Variants in LHFPL2 observed in about 807,000 individuals in gnomAD.
LHFPL2 encodes the protein LHFPL tetraspan subfamily member 2, also known as LHFPL tetraspan subfamily member 2 protein.
In LHFPL2, 7 loss-of-function variants were observed where a neutral mutation model predicts 17.5. The ratio of observed to expected loss-of-function variants is 0.40; its 90% confidence interval spans 0.23 to 0.75. LHFPL2 has a LOEUF of 0.75. LHFPL2 is among the 30% of genes least tolerant of loss of function. The probability of loss-of-function intolerance (pLI) is 0.37; values close to 1 mark genes in which losing one functional copy is unlikely to be tolerated. For synonymous variants in LHFPL2, 134 were observed against 116.2 expected (o/e 1.15, Z -0.99); for missense variants, 241 against 294.8 (o/e 0.82, Z 1.34).
At chr5:78,572,465 T>C (rs1757023119) in intron 2 of LHFPL2, among the ~76,000 whole-genome samples, 1 of 141,430 alleles carries the variant, frequency 7.1e-6, no homozygotes, top group East Asian at 1.9e-4. Flanking sequence ...TATGTGTATA[T>C]ACATGTGTAT....
At chr5:78,530,963 T>C (rs1315111357) in intron 3 of LHFPL2, among the ~76,000 whole-genome samples, 1 of 152,200 alleles carries the variant, frequency 6.6e-6, no homozygotes, top group Non-Finnish European at 1.5e-5. Context: ...GCTAGGTTCC[T>C]ACCCAATACC....
chr5:78,535,283 C>T (rs1755914033), intron 3 of LHFPL2, among the ~76,000 whole-genome samples: 1 of 152,160 alleles, frequency 6.6e-6, no homozygotes, highest in African/African-American at 2.4e-5. Context: ...GGCCTTCCAC[C>T]CACCTCCTCC....
intron 2 of LHFPL2, among the ~76,000 whole-genome samples, chr5:78,576,323 CA>C (rs113516737): frequency 6.6e-6 from 1 of 151,692 alleles, no homozygotes; most frequent in African/African-American, 2.4e-5. Context: ...AATTTTTACT[CA>C]AAAAAGAATG....
At chr5:78,614,301 C>T (rs1281753458) in intron 2 of LHFPL2, among the ~76,000 whole-genome samples, 1 of 152,256 alleles carries the variant, frequency 6.6e-6, no homozygotes, top group African/African-American at 2.4e-5. Flanking sequence ...GCTACTAGAA[C>T]AACTCTATCC....
intron 3 of LHFPL2, among the ~76,000 whole-genome samples, chr5:78,519,673 A>G (rs575797827): frequency 1.8e-4 from 27 of 152,306 alleles, no homozygotes; most frequent in Middle Eastern, 3.4e-3. Flanking sequence ...AATTAAGTTA[A>G]AGTAAGTATC....
chr5:78,510,012 T>G lies in LHFPL2; in HGVS notation c.202A>C (p.Ile68Leu). The G allele has an allele frequency of 1.2e-6, 2 of 1,612,892 alleles. No individual in the cohort carries two copies. Among genetic ancestry groups the G allele is most frequent in the Non-Finnish European group, 1.7e-6 (2 of 1,179,594 alleles). The change falls in exon 4 of 5, where the codon ATC becomes CTC. Residue 68 changes from isoleucine to leucine, a missense_variant. Ile to Leu is a conservative substitution (Grantham distance 5). Transcript: ENST00000380345. Reference protein sequence around the residue: ...HPTLGIYARCIRNPGVQHFQR... With the variant: ...HPTLGIYARCLRNPGVQHFQR... The stretch of plus-strand genomic sequence containing the variant: ...AAGTGCTGCACCCCTGGGTTCCGGA[T>G]GCAGCGGGCGTAGATGCCCAGGGTG...
intron 2 of LHFPL2, among the ~76,000 whole-genome samples, chr5:78,602,503 C>T (rs933273343): frequency 5.3e-5 from 8 of 152,224 alleles, no homozygotes; most frequent in Admixed American, 2.0e-4. Context: ...ACCACATAGA[C>T]ATGATTGATT....
chr5:78,608,353 T>G (rs1471549586), intron 2 of LHFPL2, among the ~76,000 whole-genome samples: 1 of 152,184 alleles, frequency 6.6e-6, no homozygotes, highest in African/African-American at 2.4e-5. Flanking sequence ...AGGAGCAATA[T>G]GAAAATATGG....
chr5:78,564,061 G>A (rs750837617), intron 3 of LHFPL2, among the ~76,000 whole-genome samples: 5 of 152,160 alleles, frequency 3.3e-5, no homozygotes, highest in African/African-American at 4.8e-5. Context: ...AGACCCTCCT[G>A]GAAAGGGTGT....
chr5:78,627,297 A>T (rs1866952), intron 2 of LHFPL2, among the ~76,000 whole-genome samples: 63,437 of 151,732 alleles, frequency 0.42, 15,072 homozygotes, highest in African/African-American at 0.66. Context: ...TTAACCAGCA[A>T]CTGCCTAGGG....
At chr5:78,557,583 C>A (rs1756612293) in intron 3 of LHFPL2, among the ~76,000 whole-genome samples, 1 of 152,188 alleles carries the variant, frequency 6.6e-6, no homozygotes, top group African/African-American at 2.4e-5. Context: ...CCTAACATGA[C>A]CCTGAGTCAA....
chr5:78,508,782 T>C (rs1373071213), intron 4 of LHFPL2, among the ~76,000 whole-genome samples: 1 of 152,208 alleles, frequency 6.6e-6, no homozygotes, highest in Non-Finnish European at 1.5e-5. Context: ...TTTAGTGTTG[T>C]AGGTGGGTAA....
intron 2 of LHFPL2, among the ~76,000 whole-genome samples, chr5:78,629,508 A>C (rs1314885981): frequency 2.6e-5 from 4 of 152,246 alleles, no homozygotes; most frequent in Non-Finnish European, 4.4e-5. Flanking sequence ...GCAGCTTTGC[A>C]ATGAAACTTG....
chr5:78,556,103 G>A (rs907019752), intron 3 of LHFPL2, among the ~76,000 whole-genome samples: 1 of 152,120 alleles, frequency 6.6e-6, no homozygotes, highest in Non-Finnish European at 1.5e-5. Context: ...TTCCAGATGG[G>A]GGCAGTCACA....
chr5:78,508,915 T>C (rs2112319978), intron 4 of LHFPL2, among the ~76,000 whole-genome samples: 1 of 152,304 alleles, frequency 6.6e-6, no homozygotes, highest in African/African-American at 2.4e-5. Flanking sequence ...CATGTGTTTT[T>C]GTGTGTGAAT....
At chr5:78,491,299 C>T (rs1754437482) in intron 4 of LHFPL2, 1 of 152,266 alleles carries the variant, frequency 6.6e-6, no homozygotes, top group African/African-American at 2.4e-5. Context: ...CCCCACGGCC[C>T]TCTCTATAGA....
At chr5:78,605,560 G>C (rs954104088) in intron 2 of LHFPL2, among the ~76,000 whole-genome samples, 1 of 152,172 alleles carries the variant, frequency 6.6e-6, no homozygotes, top group African/African-American at 2.4e-5. Context: ...GAACTGGATA[G>C]AATGTACACA....
At chr5:78,597,283 T>G (rs1743855876) in intron 2 of LHFPL2, among the ~76,000 whole-genome samples, 2 of 152,150 alleles carry the variant, frequency 1.3e-5, no homozygotes, top group Admixed American at 1.3e-4. Context: ...AGCTCTAAAA[T>G]GGGGGCATTG....
At chr5:78,495,112 G>C (rs1315594206) in intron 4 of LHFPL2, among the ~76,000 whole-genome samples, 1 of 152,230 alleles carries the variant, frequency 6.6e-6, no homozygotes, top group Non-Finnish European at 1.5e-5. Flanking sequence ...CCAGTTTGGG[G>C]AAGGCTAGAT....
Sources: allele counts gnomAD v4.1 joint callset (sites outside exome capture counted in the v4.1 genomes callset), GRCh38; gene constraint gnomAD v4.1.1; transcripts MANE v1.5; gene names NCBI Gene and HGNC (gene_info 2026-07-23, HGNC 2026-07-21).